SSU72: variants seen among roughly 807,000 people sequenced by gnomAD.
SSU72 encodes the protein SSU72 homolog, RNA polymerase II CTD phosphatase, also known as RNA polymerase II subunit A C-terminal domain phosphatase SSU72.
A neutral mutation model predicts 22.7 loss-of-function variants in SSU72; 12 were observed. The observed-to-expected ratio is 0.53, with a 90% confidence interval of 0.34 to 0.86. The LOEUF (loss-of-function observed/expected upper bound fraction) is 0.86. SSU72 is among the 40% of genes least tolerant of loss of function. The probability of loss-of-function intolerance (pLI) is 0.02; values close to 1 mark genes in which losing one functional copy is unlikely to be tolerated. For missense variants in SSU72, 151 were observed against 249.8 expected, an observed-to-expected ratio of 0.60 and a Z score of 2.67; for synonymous variants, 116 against 98.3, an observed-to-expected ratio of 1.18 and a Z score of -1.06.
chr1:1,557,365 AT>A (rs1642534199), intron 2 of SSU72, among the ~76,000 whole-genome samples: 1 of 151,916 alleles, frequency 6.6e-6, no homozygotes, highest in African/African-American at 2.4e-5. Flanking sequence ...GTGAGCCGAG[AT>A]TGCACCACTG....
chr1:1,563,176 T>G (rs904619492), intron 2 of SSU72: 2 of 152,362 alleles, frequency 1.3e-5, no homozygotes, highest in Non-Finnish European at 2.9e-5. Context: ...CCAGACATAC[T>G]TTCAGGGGCC....
chr1:1,549,033 G>A (rs1024132878), intron 2 of SSU72, among the ~76,000 whole-genome samples: 6 of 152,260 alleles, frequency 3.9e-5, no homozygotes, highest in Non-Finnish European at 5.9e-5. Flanking sequence ...AGCTACTCGG[G>A]AGGCCGAGGC....
chr1:1,564,439 C>T (rs1208514400), intron 2 of SSU72: 19 of 1,459,686 alleles, frequency 1.3e-5, no homozygotes, highest in Admixed American at 2.6e-5. Context: ...AACGGGGCAG[C>T]CCTGCAGTGT....
chr1:1,559,043 G>C (rs887918965), intron 2 of SSU72, among the ~76,000 whole-genome samples: 7 of 152,234 alleles, frequency 4.6e-5, no homozygotes, highest in Non-Finnish European at 1.0e-4. Flanking sequence ...GCCTCTGCAC[G>C]TGACCCTGGG....
intron 1 of SSU72, among the ~76,000 whole-genome samples, chr1:1,573,386 CG>C (rs1642762728): frequency 2.1e-5 from 3 of 145,654 alleles, no homozygotes; most frequent in African/African-American, 7.4e-5. Context: ...GCCGAGATCG[CG>C]CTACTGCACT....
At chr1:1,573,453 A>AG (rs1642764650) in intron 1 of SSU72, among the ~76,000 whole-genome samples, 1 of 149,756 alleles carries the variant, frequency 6.7e-6, no homozygotes, top group Non-Finnish European at 1.5e-5. Flanking sequence ...AAAAAAAAAA[A>AG]AAAGAAAGAA....
chr1:1,552,201 C>T (rs1056692642), intron 2 of SSU72, among the ~76,000 whole-genome samples: 3 of 152,180 alleles, frequency 2.0e-5, no homozygotes, highest in Non-Finnish European at 4.4e-5. Context: ...GCTTGCTCAA[C>T]GGCACCTGCA....
chr1:1,574,408 G>A (rs1642781324), intron 1 of SSU72, 70 bp downstream of exon 1: 1 of 1,501,324 alleles, frequency 6.7e-7, no homozygotes, highest in Non-Finnish European at 9.0e-7. Flanking sequence ...CGCGGGCCAG[G>A]GGGAACCGGG....
At chr1:1,565,995 A>G (rs1261261388) in intron 1 of SSU72, among the ~76,000 whole-genome samples, 1 of 151,794 alleles carries the variant, frequency 6.6e-6, no homozygotes, top group Admixed American at 6.6e-5. Flanking sequence ...GGTGGCTCAC[A>G]CCTTCAATCC....
Position 1,574,732 on chromosome 1 carries a change from G to C in SSU72, c.-175C>G, listed in dbSNP as rs1028812408. ...GCCTCCCCGCCCACCCTGGGCGCCG[G>C]GCCGCGGACGGAGCGCAGGCACTGG... On this transcript the variant is annotated 5_prime_UTR_variant, in exon 1 of 5. Coordinates refer to ENST00000291386, the MANE Select transcript of SSU72 (RefSeq NM_014188.3). 2.2e-5 allele frequency: 10 copies of C among 450,694 alleles called. No homozygotes were observed. Among genetic ancestry groups the C allele is most frequent in the Non-Finnish European group, 3.5e-5 (10 of 282,438 alleles). 27.9% of individuals were successfully genotyped at this position (450,694 alleles called of 1,614,324 possible).
At chr1:1,565,620 C>T (rs1401804537) in intron 1 of SSU72, among the ~76,000 whole-genome samples, 1 of 152,268 alleles carries the variant, frequency 6.6e-6, no homozygotes, top group Non-Finnish European at 1.5e-5. Context: ...TTTCCCAACA[C>T]CCCCACGATG....
chr1:1,566,533 G>T (rs1642663676), intron 1 of SSU72, among the ~76,000 whole-genome samples: 1 of 152,008 alleles, frequency 6.6e-6, no homozygotes. Context: ...ACACAGACAC[G>T]TGAGGAGTTC....
At position 1,555,231 on chromosome 1, in the gene SSU72, G is replaced by C. The variant is rs187049297; in HGVS notation, c.224+9542C>G. Among the ~76,000 whole-genome samples the C allele has an allele frequency of 3.3e-5, 5 of 152,292 alleles. No homozygotes were observed. In the East Asian group the frequency reaches 9.7e-4, roughly 29 times the overall value. The stretch of plus-strand genomic sequence containing the variant: ...GGTCAGGTTAGAGCTGGGTCAATCC[G>C]TTTCCATGGCAAAACTCAAAGCACC... On this transcript the variant is annotated intron_variant, in intron 2 of 4. Coordinates refer to ENST00000291386, the MANE Select transcript of SSU72 (RefSeq NM_014188.3).
Position 1,542,410 on chromosome 1 carries a change from C to T in SSU72, c.484-243G>A, listed in dbSNP as rs1642333798. On this transcript the variant is annotated intron_variant, in intron 4 of 4. Transcript: ENST00000291386. This position sits in a 1 kb window ranked among gnomAD's most constrained non-coding sequence, Gnocchi z 4.4. ...TGAAGCTGGGAGGAGCTGGGAGGAG[C>T]CTGGAGCTGGATTCTGAGAGGGGCC... Among the ~76,000 whole-genome samples the T allele has an allele frequency of 6.6e-6, 1 of 152,146 alleles. No individual in the cohort carries two copies.
At chr1:1,545,057 G>A in intron 2 of SSU72, 55 bp from the exon 3 acceptor site, 1 of 1,581,216 alleles carries the variant, frequency 6.3e-7, no homozygotes, top group East Asian at 2.2e-5. Context: ...ATGAAGCCTG[G>A]AAGCGCCTGT....
chr1:1,547,887 C>T lies in SSU72; in HGVS notation c.225-2885G>A, dbSNP rs549003023. ...ACCTGTCCCATCTTCCGGACACCTG[C>T]GCCGCCCAGGTCCTGCAGAAGTCCC... On this transcript the variant is annotated intron_variant, in intron 2 of 4. Transcript: ENST00000291386. Among the ~76,000 whole-genome samples, 3 of 152,328 alleles carry T rather than the reference C, an allele frequency of 2.0e-5. No homozygotes were observed. The East Asian group carries it at 5.8e-4, about 29-fold the overall frequency.
intron 2 of SSU72, among the ~76,000 whole-genome samples, chr1:1,550,983 G>A (rs145811428): frequency 3.3e-5 from 5 of 152,130 alleles, no homozygotes; most frequent in African/African-American, 1.2e-4. Flanking sequence ...CCACCCCCCA[G>A]AAAGCTCCTG....
At chr1:1,555,228 TC>T (rs1642507850) in intron 2 of SSU72, among the ~76,000 whole-genome samples, 2 of 152,128 alleles carry the variant, frequency 1.3e-5, no homozygotes, top group South Asian at 4.1e-4. Flanking sequence ...GCTGGGTCAA[TC>T]CGTTTCCATG....
intron 1 of SSU72, 89 bp from the exon 2 acceptor site, chr1:1,565,005 TGA>T (rs1642640804): frequency 6.8e-7 from 1 of 1,481,288 alleles, no homozygotes; most frequent in Non-Finnish European, 9.0e-7. Context: ...AGAAACAAAA[TGA>T]GTAATTTCAT....
Sources: gnomAD v4.1 joint callset for allele counts (sites outside exome capture counted in the v4.1 genomes callset) on GRCh38, gnomAD v4.1.1 for gene constraint, Gnocchi (gnomAD v3.1) non-coding constraint, MANE v1.5 for transcripts, NCBI Gene and HGNC (gene_info 2026-07-23, HGNC 2026-07-21) for gene names.